PRKCH: variants seen among roughly 807,000 people sequenced by gnomAD.
The protein encoded by PRKCH is protein kinase C eta, also known as protein kinase C eta type.
A neutral mutation model predicts 82.5 loss-of-function variants in PRKCH; 28 were observed. The ratio of observed to expected loss-of-function variants is 0.34; its 90% CI spans 0.25 to 0.47. The LOEUF is 0.47. Ranked by LOEUF, PRKCH falls within the 20% of genes least tolerant of loss-of-function variation. The pLI, the probability that PRKCH is intolerant of heterozygous loss-of-function variation, is 1.00. For missense variants in PRKCH, 705 were observed against 881.8 expected (o/e 0.80, Z 2.54); for synonymous variants, 322 against 327.4 (o/e 0.98, Z 0.18).
intron 2 of PRKCH, among the ~76,000 whole-genome samples, chr14:61,418,912 G>A (rs554730051): frequency 2.0e-5 from 3 of 152,182 alleles, no homozygotes; most frequent in Admixed American, 6.5e-5. Context: ...TTGCCTGACT[G>A]ATGGCGAGTT....
At chr14:61,418,531 G>A (rs1882677497) in intron 2 of PRKCH, among the ~76,000 whole-genome samples, 1 of 152,226 alleles carries the variant, frequency 6.6e-6, no homozygotes, top group Non-Finnish European at 1.5e-5. Context: ...CCCTGGAAAG[G>A]TTAGCCTAAG....
chr14:61,249,898 C>A (rs1355150597), intron 1 of PRKCH, among the ~76,000 whole-genome samples: 1 of 150,920 alleles, frequency 6.6e-6, no homozygotes, highest in Non-Finnish European at 1.5e-5. Flanking sequence ...GGATTACAGG[C>A]GTGAGCCACC....
At position 61,539,313 on chromosome 14, in the gene PRKCH, G is replaced by C. The variant is rs147439452; in HGVS notation, c.1762-8430G>C. Reference sequence around the variant, plus strand: ...GGAATTGAGTATGTGCTTATGAAGGGCTGCTGGATTCCAGTCACAGACAGC... The same window carrying C: ...GGAATTGAGTATGTGCTTATGAAGGCCTGCTGGATTCCAGTCACAGACAGC... On this transcript the variant is annotated intron_variant, in intron 12 of 13. Transcript: ENST00000332981. Among the ~76,000 whole-genome samples the C allele has an allele frequency of 1.4e-3, 219 of 152,288 alleles. 1 individual carries two copies. The highest frequency in any genetic ancestry group is 5.0e-3 in the African/African-American group (206 of 41,560).
chr14:61,212,476 A>G (rs1476476557), intron 1 of PRKCH, among the ~76,000 whole-genome samples: 4 of 152,228 alleles, frequency 2.6e-5, no homozygotes, highest in South Asian at 2.1e-4. Context: ...TGCCTGAGTT[A>G]TCTAAAATTC....
rs556517640 is a variant in PRKCH, at chr14:61,378,615, C to T, written c.364-12610C>T. Among the ~76,000 whole-genome samples the T allele has an allele frequency of 9.2e-5, 14 of 152,282 alleles. No individual in the cohort carries two copies. The South Asian group carries it at 2.9e-3, about 32-fold the overall frequency. ...CTGAATTTTCAGAAGCTGTTAAGGA[C>T]AGCCCAGTAGATGCTCAGATGTCAT... On this transcript the variant is annotated intron_variant, in intron 1 of 13. Transcript: ENST00000332981.
chr14:61,272,222 G>A lies in PRKCH; in HGVS notation c.-19+84554G>A, dbSNP rs529687312. Reference sequence around the variant, plus strand: ...TGGCCTGGGCAAAACAGCGAGACTCGGTCTCCAAAAAAAAAAGATGACATG... The same window carrying A: ...TGGCCTGGGCAAAACAGCGAGACTCAGTCTCCAAAAAAAAAAGATGACATG... On this transcript the variant is annotated intron_variant, in intron 1 of 3. Coordinates refer to the PRKCH transcript ENST00000555185. Among the ~76,000 whole-genome samples the A allele has an allele frequency of 3.3e-5, 4 of 122,840 alleles. No individual in the cohort carries two copies. The South Asian group carries it at 1.2e-3, about 36-fold the overall frequency. 80.6% of individuals were successfully genotyped at this position (122,840 alleles called of 152,430 possible).
chr14:61,271,806 G>A (rs2045155789), intron 1 of PRKCH, among the ~76,000 whole-genome samples: 1 of 152,210 alleles, frequency 6.6e-6, no homozygotes, highest in Non-Finnish European at 1.5e-5. Flanking sequence ...AGCTTCTGAA[G>A]TCACACTGCC....
chr14:61,445,415 T>C (rs541115928), intron 3 of PRKCH, among the ~76,000 whole-genome samples: 1 of 152,344 alleles, frequency 6.6e-6, no homozygotes, highest in Non-Finnish European at 1.5e-5. Flanking sequence ...GAGGATTTAT[T>C]GCCACTGAGG....
intron 1 of PRKCH, among the ~76,000 whole-genome samples, chr14:61,343,182 T>C (rs1387075679): frequency 6.6e-6 from 1 of 152,166 alleles, no homozygotes; most frequent in Admixed American, 6.5e-5. Context: ...CTGAGTCATC[T>C]AGTTTTGGAA....
intron 1 of PRKCH, among the ~76,000 whole-genome samples, chr14:61,220,742 G>A (rs2044649661): frequency 6.6e-6 from 1 of 152,044 alleles, no homozygotes; most frequent in Non-Finnish European, 1.5e-5. Flanking sequence ...CATCAACACG[G>A]GAGGCAAAAG....
chr14:61,229,811 G>T (rs571845539), intron 1 of PRKCH, among the ~76,000 whole-genome samples: 5 of 152,218 alleles, frequency 3.3e-5, no homozygotes, highest in African/African-American at 1.2e-4. Flanking sequence ...GGGAGAACAG[G>T]TCTGCTTCTT....
At chr14:61,326,956 G>T in intron 1 of PRKCH, 1 of 397,620 alleles carries the variant, frequency 2.5e-6, no homozygotes. Context: ...CTCTTGATTT[G>T]CTGACCTTCT....
In PRKCH at chr14:61,428,112, C is replaced by CACACATATATAT. The variant is rs1391102641; in HGVS notation, c.428-14998_428-14997insCACATATATATA. 1.7e-4 allele frequency among the ~76,000 whole-genome samples: 25 copies of CACACATATATAT among 145,598 alleles called. No homozygotes were observed. In the East Asian group the frequency reaches 3.3e-3, roughly 19 times the overall value. The stretch of plus-strand genomic sequence containing the variant: ...ACACACACACATATATATATACACA[C>CACACATATATAT]ATATATATATATATATATATGTATC... On this transcript the variant is annotated intron_variant, in intron 2 of 13. Transcript: ENST00000332981.
chr14:61,362,319 C>T (rs926266631), intron 1 of PRKCH, among the ~76,000 whole-genome samples: 2 of 131,566 alleles, frequency 1.5e-5, no homozygotes, highest in Admixed American at 8.6e-5. Context: ...CCAGACTGGG[C>T]GACAGAGTGG....
chr14:61,306,597 G>A (rs555471546), intron 1 of PRKCH: 1 of 152,316 alleles, frequency 6.6e-6, no homozygotes, highest in East Asian at 1.9e-4. Context: ...CAGTTATCTT[G>A]TGTATTTCTA....
Position 61,485,624 on chromosome 14 carries a change from C to G in PRKCH, c.1401C>G (p.Leu467=). 1 of 1,614,144 alleles carries G rather than the reference C, an allele frequency of 6.2e-7. No homozygotes were observed. Among genetic ancestry groups the G allele is most frequent in the Non-Finnish European group, 8.5e-7 (1 of 1,180,010 alleles). Residue 467 remains leucine, a synonymous_variant, in exon 10 of 14, where the codon CTC becomes CTG. Coordinates refer to ENST00000332981, the MANE Select transcript of PRKCH (RefSeq NM_006255.5). The stretch of plus-strand genomic sequence containing the variant: ...ATGCTGCAGAAATCATTTCGGCTCT[C>G]ATGTTCCTCCATGATAAAGGAATCA... The part of the protein sequence containing the change: ...RFYAAEIISA[L]MFLHDKGIIY...
chr14:61,487,881 C>T (rs1391128709), intron 10 of PRKCH, among the ~76,000 whole-genome samples: 2 of 150,836 alleles, frequency 1.3e-5, no homozygotes, highest in African/African-American at 4.9e-5. Context: ...CAGCCGGGCG[C>T]GGTGGCTCAC....
chr14:61,405,106 C>T (rs561938645), intron 2 of PRKCH, among the ~76,000 whole-genome samples: 7 of 152,322 alleles, frequency 4.6e-5, no homozygotes, highest in Admixed American at 2.6e-4. Context: ...ATGCGGAAAC[C>T]ATTCCAAATT....
chr14:61,234,918 A>T (rs1464033366), intron 1 of PRKCH, among the ~76,000 whole-genome samples: 1 of 152,196 alleles, frequency 6.6e-6, no homozygotes, highest in Non-Finnish European at 1.5e-5. Context: ...TTTTGCTGAC[A>T]AACAGAGCAG....
Sources: gnomAD v4.1 joint callset for allele counts (sites outside exome capture counted in the v4.1 genomes callset) on GRCh38, gnomAD v4.1.1 for gene constraint, MANE v1.5 for transcripts, NCBI Gene and HGNC (gene_info 2026-07-23, HGNC 2026-07-21) for gene names.